The following TACC2 variants were observed in gnomAD, a reference collection of about 807,000 sequenced individuals.
The protein encoded by TACC2 is transforming acidic coiled-coil-containing protein 2.
Under a neutral mutation model 227.3 loss-of-function variants are expected in TACC2, and 137 were observed. The ratio of observed to expected loss-of-function variants is 0.60; its 90% confidence interval spans 0.52 to 0.69. The LOEUF (loss-of-function observed/expected upper bound fraction) is 0.69. TACC2 is among the 30% of genes least tolerant of loss of function. The pLI is 0.00. For missense variants in TACC2, 3,470 were observed against 3,694.4 expected (o/e 0.94, Z 1.57); for synonymous variants, 1,523 against 1,487.5 (o/e 1.02, Z -0.55).
At chr10:122,089,314 C>T (rs1165550644) in intron 5 of TACC2, among the ~76,000 whole-genome samples, 2 of 152,164 alleles carry the variant, frequency 1.3e-5, no homozygotes, top group African/African-American at 2.4e-5. Context: ...CATCTCTAGG[C>T]ACCCATTCAT....
chr10:122,170,767 C>T (rs867733610), intron 7 of TACC2, among the ~76,000 whole-genome samples: 131 of 152,314 alleles, frequency 8.6e-4, no homozygotes, highest in Middle Eastern at 3.4e-3. Flanking sequence ...TGGCTCCCGC[C>T]GCTCCTCCCC....
At chr10:122,099,588 T>C (rs1166951940) in intron 5 of TACC2, among the ~76,000 whole-genome samples, 1 of 152,154 alleles carries the variant, frequency 6.6e-6, no homozygotes, top group East Asian at 1.9e-4. Flanking sequence ...ACTTCCCAAA[T>C]TGTGGTGAAT....
At chr10:122,108,596 C>T (rs1156481201) in intron 5 of TACC2, among the ~76,000 whole-genome samples, 6 of 150,468 alleles carry the variant, frequency 4.0e-5, no homozygotes, top group African/African-American at 1.5e-4. Flanking sequence ...CAGGCACGTG[C>T]CACCATGCCC....
At chr10:122,118,015 C>CTTTTT (rs902640167) in intron 5 of TACC2, among the ~76,000 whole-genome samples, 1 of 138,556 alleles carries the variant, frequency 7.2e-6, no homozygotes, top group Non-Finnish European at 1.6e-5. Context: ...TTCTCTTTTT[C>CTTTTT]TTTTTTTTTT....
At chr10:122,052,562 A>T (rs2075809275) in intron 3 of TACC2, 1 of 151,744 alleles carries the variant, frequency 6.6e-6, no homozygotes, top group South Asian at 2.1e-4. Context: ...GTGTGCCTGT[A>T]GTCCCAGCTA....
intron 5 of TACC2, among the ~76,000 whole-genome samples, chr10:122,091,144 AC>A (rs1232640003): frequency 6.6e-6 from 1 of 152,054 alleles, no homozygotes; most frequent in Non-Finnish European, 1.5e-5. Flanking sequence ...TCCTGCTGAG[AC>A]TTTTGTACTC....
chr10:122,243,783 C>A (rs1393414783), intron 19 of TACC2, among the ~76,000 whole-genome samples: 1 of 152,128 alleles, frequency 6.6e-6, no homozygotes, highest in Non-Finnish European at 1.5e-5. Context: ...CTGGAAACAT[C>A]CTGCTCCATC....
In TACC2 at chr10:122,211,392, G is replaced by C. The variant is rs753269912; in HGVS notation, c.6967G>C (p.Ala2323Pro). The C allele has an allele frequency of 3.1e-5, 50 of 1,613,860 alleles. No homozygotes were observed. Among genetic ancestry groups the C allele is most frequent in the Non-Finnish European group, 4.0e-5 (47 of 1,180,004 alleles). ...NTPASPPRSP[A>P]EPNDIPIAKG... ...TCCTGCCTCACCTCCCAGATCCCCTGCTGAACCCAATGACATCCCCATTGC... is the reference window on the plus strand; with the variant it reads ...TCCTGCCTCACCTCCCAGATCCCCTCCTGAACCCAATGACATCCCCATTGC... The change falls in exon 9 of 23, where the codon GCT becomes CCT. Residue 2323 changes from alanine to proline, a missense_variant. Around this residue, in one of 10 missense-constraint regions of TACC2, gnomAD observed 593 missense variants for 636.6 expected, o/e 0.93. Coordinates refer to ENST00000369005, the MANE Select transcript of TACC2 (RefSeq NM_206862.4).
intron 11 of TACC2, among the ~76,000 whole-genome samples, chr10:122,217,879 A>C (rs2095443444): frequency 6.6e-6 from 1 of 152,002 alleles, no homozygotes; most frequent in Admixed American, 6.5e-5. Flanking sequence ...GAGGCTGCCC[A>C]GTTGGCATTT....
intron 18 of TACC2, among the ~76,000 whole-genome samples, chr10:122,239,007 G>T (rs986231740): frequency 1.3e-5 from 2 of 151,350 alleles, no homozygotes; most frequent in African/African-American, 4.9e-5. Context: ...AGTTTTTTTT[G>T]TGTGTGTGTT....
chr10:122,130,815 G>A (rs973874231), intron 5 of TACC2, among the ~76,000 whole-genome samples: 5 of 152,082 alleles, frequency 3.3e-5, no homozygotes, highest in East Asian at 1.9e-4. Context: ...CCATCTATAC[G>A]CACTTAGAAC....
rs1472670046 is a variant in TACC2 at position 122,141,084 on chromosome 10, A to C, written c.5700-2488A>C. Among the ~76,000 whole-genome samples, 4 of 152,076 alleles carry C rather than the reference A, an allele frequency of 2.6e-5. No homozygotes were observed. On this transcript the variant is annotated intron_variant, in intron 6 of 22. Transcript: ENST00000369005. The surrounding 1 kb of genome is among the most constrained non-coding windows in gnomAD (Gnocchi z 4.3). The stretch of plus-strand genomic sequence containing the variant: ...GGAGGTGACTCAGCAGGAAGGGGTG[A>C]TGAGGGGCATGGGAATGAGAGAACT...
chr10:122,103,293 A>C (rs908145933), intron 5 of TACC2, among the ~76,000 whole-genome samples: 5 of 152,180 alleles, frequency 3.3e-5, no homozygotes, highest in African/African-American at 1.2e-4. Flanking sequence ...CTGCACACAC[A>C]GAGCCTATGT....
intron 7 of TACC2, among the ~76,000 whole-genome samples, chr10:122,171,391 G>A (rs963782621): frequency 4.3e-4 from 66 of 152,314 alleles, no homozygotes; most frequent in African/African-American, 1.2e-3. Flanking sequence ...AGGGTTTCCC[G>A]GAGCCCTACT....
chr10:122,053,696 G>T (rs556616093), intron 3 of TACC2, among the ~76,000 whole-genome samples: 2 of 152,138 alleles, frequency 1.3e-5, no homozygotes, highest in Non-Finnish European at 2.9e-5. Flanking sequence ...CAGAGGACAC[G>T]GTCTGGAAGT....
Position 122,087,076 on chromosome 10 carries a change from A to G in TACC2, c.4576A>G (p.Arg1526Gly). The G allele has an allele frequency of 6.2e-7, 1 of 1,612,346 alleles. No individual in the cohort carries two copies. Among genetic ancestry groups the G allele is most frequent in the Non-Finnish European group, 8.5e-7 (1 of 1,179,298 alleles). Residue 1526 changes from arginine (R) to glycine (G), a missense_variant, in exon 4 of 23, where the codon AGG becomes GGG. Arg to Gly is a moderately radical substitution (Grantham distance 125). Around this residue, in one of 10 missense-constraint regions of TACC2, gnomAD observed 1,924 missense variants for 1,978.3 expected, o/e 0.97. Coordinates refer to ENST00000369005, the MANE Select transcript of TACC2 (RefSeq NM_206862.4). Reference sequence around the variant, plus strand: ...GATGGCAGGTGTCCCACCCACACTGAGGGAAGACGAGAGGCCAGAGGGGCC... The same window carrying G: ...GATGGCAGGTGTCCCACCCACACTGGGGGAAGACGAGAGGCCAGAGGGGCC... Reference protein sequence around the residue: ...KEMAGVPPTLREDERPEGPGA... With the variant: ...KEMAGVPPTLGEDERPEGPGA...
At chr10:122,226,002 G>A (rs1458501429) in intron 12 of TACC2, among the ~76,000 whole-genome samples, 1 of 152,214 alleles carries the variant, frequency 6.6e-6, no homozygotes, top group Non-Finnish European at 1.5e-5. Flanking sequence ...CCCAGGTCTA[G>A]GCTCTTGCCC....
intron 2 of TACC2, among the ~76,000 whole-genome samples, chr10:122,025,596 T>TG (rs1445090826): frequency 2.5e-4 from 35 of 140,396 alleles, no homozygotes; most frequent in African/African-American, 7.8e-4. Flanking sequence ...TTTTTTGAGA[T>TG]GGAGTCTTGC....
chr10:122,243,252 A>G (rs2096043964), intron 19 of TACC2, among the ~76,000 whole-genome samples: 2 of 152,194 alleles, frequency 1.3e-5, no homozygotes, highest in East Asian at 3.9e-4. Context: ...CCCGATAACC[A>G]GTTTTTTTTC....
Sources: gnomAD v4.1 joint callset for allele counts (sites outside exome capture counted in the v4.1 genomes callset) on GRCh38, gnomAD v4.1.1 for gene constraint, gnomAD v4.1.1 regional missense constraint, Gnocchi (gnomAD v3.1) non-coding constraint, MANE v1.5 for transcripts, NCBI Gene and HGNC (gene_info 2026-07-23, HGNC 2026-07-21) for gene names.